KCND3: variants seen among roughly 807,000 people sequenced by gnomAD.
The protein encoded by KCND3 is A-type voltage-gated potassium channel KCND3.
In KCND3, 9 loss-of-function variants were observed where a neutral mutation model predicts 51.1. That is an observed-to-expected ratio of 0.18 (90% confidence interval 0.11 to 0.31). The LOEUF is 0.31. Ranked by LOEUF, KCND3 falls within the 10% of genes least tolerant of loss-of-function variation. KCND3 has a pLI of 1.00. For missense variants in KCND3, 526 were observed against 903.8 expected (o/e 0.58, Z 5.36); for synonymous variants, 349 against 368.0 (o/e 0.95, Z 0.59).
chr1:111,802,370 C>T (rs1665350914), intron 2 of KCND3, among the ~76,000 whole-genome samples: 1 of 152,234 alleles, frequency 6.6e-6, no homozygotes, highest in African/African-American at 2.4e-5. Context: ...ACTTGCCTGC[C>T]CCCGCTCTGG....
chr1:111,856,268 T>G (rs143951011), intron 2 of KCND3, among the ~76,000 whole-genome samples: 2 of 152,290 alleles, frequency 1.3e-5, no homozygotes, highest in East Asian at 3.9e-4. Context: ...AACACACAAT[T>G]TGGTCTCAGA....
chr1:111,869,433 A>G (rs756148189), intron 2 of KCND3, among the ~76,000 whole-genome samples: 2 of 152,164 alleles, frequency 1.3e-5, no homozygotes, highest in Non-Finnish European at 2.9e-5. Context: ...CAGTGCCACT[A>G]TGGGATCTTG....
intron 2 of KCND3, among the ~76,000 whole-genome samples, chr1:111,947,230 AATTCCTGTGTTCTGGATAACCAGTC>A (rs1672821440): frequency 6.6e-6 from 1 of 152,196 alleles, no homozygotes; most frequent in Admixed American, 6.5e-5. Flanking sequence ...AATTTTGCCC[AATTCCTGTGTTCTGGATAACCAGTC>A]ATTCATTTAT....
rs79704521 is a variant in KCND3, at chr1:111,829,813, C to A, written c.1107-42707G>T. 7.2e-5 allele frequency among the ~76,000 whole-genome samples: 11 copies of A among 152,196 alleles called. No homozygotes were observed. In the South Asian group the frequency reaches 1.0e-3, roughly 14 times the overall value. ...TTGCTAACAAAATGGATTATCCCCC[C>A]CAAATGCTTCTCCTGTTGGGTGCCC... On this transcript the variant is annotated intron_variant, in intron 2 of 7. Transcript: ENST00000302127.
At chr1:111,898,600 T>C (rs574879209) in intron 2 of KCND3, among the ~76,000 whole-genome samples, 1 of 152,244 alleles carries the variant, frequency 6.6e-6, no homozygotes, top group South Asian at 2.1e-4. Flanking sequence ...AACTCAAATA[T>C]AGCAGCCCCA....
At chr1:111,908,029 ACTGCAGAGGAGC>A (rs1464901990) in intron 2 of KCND3, among the ~76,000 whole-genome samples, 2 of 152,160 alleles carry the variant, frequency 1.3e-5, no homozygotes, top group Non-Finnish European at 2.9e-5. Flanking sequence ...ACTATTCCCC[ACTGCAGAGGAGC>A]CTGCAGCTCC....
chr1:111,948,543 C>T (rs779722588), intron 2 of KCND3, among the ~76,000 whole-genome samples: 1 of 152,174 alleles, frequency 6.6e-6, no homozygotes, highest in Non-Finnish European at 1.5e-5. Context: ...TTCTGTTCTC[C>T]CACTTTTTTC....
chr1:111,944,152 G>A (rs1251044186), intron 2 of KCND3, among the ~76,000 whole-genome samples: 2 of 152,182 alleles, frequency 1.3e-5, no homozygotes, highest in Non-Finnish European at 2.9e-5. Context: ...GGGGTGAGAA[G>A]GGGTGGATTG....
intron 3 of KCND3, among the ~76,000 whole-genome samples, chr1:111,781,588 C>T (rs185938317): frequency 7.2e-5 from 11 of 152,152 alleles, no homozygotes; most frequent in East Asian, 3.9e-4. Flanking sequence ...AGCGTGATCT[C>T]GGCTCACTGC....
intron 2 of KCND3, among the ~76,000 whole-genome samples, chr1:111,902,711 C>T (rs1670442148): frequency 1.3e-5 from 2 of 152,184 alleles, no homozygotes; most frequent in South Asian, 4.1e-4. Context: ...CTTTCTGATC[C>T]TTTGTTTTCT....
intron 2 of KCND3, among the ~76,000 whole-genome samples, chr1:111,972,242 G>A (rs1347049195): frequency 2.1e-5 from 3 of 145,080 alleles, no homozygotes; most frequent in South Asian, 2.2e-4. Context: ...GCGGGATCTC[G>A]GCTCACTGCA....
At chr1:111,955,681 G>T (rs896653998) in intron 2 of KCND3, among the ~76,000 whole-genome samples, 7 of 152,210 alleles carry the variant, frequency 4.6e-5, no homozygotes, top group Non-Finnish European at 8.8e-5. Context: ...TGACACATGA[G>T]GGTCCAATAA....
At chr1:111,820,075 T>G (rs1372988592) in intron 2 of KCND3, among the ~76,000 whole-genome samples, 1 of 152,228 alleles carries the variant, frequency 6.6e-6, no homozygotes, top group Non-Finnish European at 1.5e-5. Context: ...ATGAATTAAA[T>G]GCCAACTCCT....
intron 2 of KCND3, among the ~76,000 whole-genome samples, chr1:111,816,292 C>G (rs1041319853): frequency 6.6e-6 from 1 of 152,234 alleles, no homozygotes; most frequent in Non-Finnish European, 1.5e-5. Context: ...AAATGTCAGA[C>G]TTCAAAGGGT....
intron 2 of KCND3, among the ~76,000 whole-genome samples, chr1:111,939,400 C>T (rs59715714): frequency 0.012 from 1,792 of 152,178 alleles, 36 homozygotes; most frequent in African/African-American, 0.041. Context: ...CCCCAACAGG[C>T]CCGGGTGTGT....
At chr1:111,846,298 A>C (rs917937127) in intron 2 of KCND3, among the ~76,000 whole-genome samples, 1 of 152,156 alleles carries the variant, frequency 6.6e-6, no homozygotes, top group African/African-American at 2.4e-5. Flanking sequence ...CTTCTGGGCC[A>C]CTGAACACAC....
rs548334818 is a variant in KCND3, at chr1:111,848,613, T to C, written c.1107-61507A>G. 2.0e-4 allele frequency among the ~76,000 whole-genome samples: 30 copies of C among 152,338 alleles called. No homozygotes were observed. The South Asian group carries it at 6.2e-3, about 32-fold the overall frequency. ...CTGCACAAGCCCAGGAGGGCTGCAC[T>C]CACAGAGCCACACAGGCTTGGTTAC... is the stretch of plus-strand genomic sequence containing the variant. On this transcript the variant is annotated intron_variant, in intron 2 of 7. Coordinates refer to ENST00000302127, the MANE Select transcript of KCND3 (RefSeq NM_001378969.1).
intron 2 of KCND3, among the ~76,000 whole-genome samples, chr1:111,922,238 T>G (rs1203313073): frequency 6.6e-6 from 1 of 152,228 alleles, no homozygotes; most frequent in Admixed American, 6.5e-5. Context: ...TAAGAGGAAC[T>G]GCCTTGAGGC....
intron 2 of KCND3, among the ~76,000 whole-genome samples, chr1:111,843,307 C>T (rs1254372970): frequency 6.6e-6 from 1 of 152,200 alleles, no homozygotes; most frequent in Non-Finnish European, 1.5e-5. Context: ...GGCCCTACCA[C>T]GTGGATTTCC....
Sources: gnomAD v4.1 joint callset for allele counts (sites outside exome capture counted in the v4.1 genomes callset) on GRCh38, gnomAD v4.1.1 for gene constraint, MANE v1.5 for transcripts, NCBI Gene and HGNC (gene_info 2026-07-23, HGNC 2026-07-21) for gene names.